The following VOPP1 variants were observed in gnomAD, a reference collection of about 807,000 sequenced individuals.
The protein encoded by VOPP1 is VOPP1 WW domain binding protein, also known as WW domain binding protein VOPP1.
A neutral mutation model predicts 23.5 loss-of-function variants in VOPP1; 8 were observed. The ratio of observed to expected loss-of-function variants is 0.34; its 90% CI spans 0.20 to 0.61. VOPP1 has a LOEUF of 0.61. Among genes scored for constraint, VOPP1 ranks in the 20% least tolerant of loss-of-function variants. The pLI is 0.78. For synonymous variants in VOPP1, 83 were observed against 97.3 expected, an observed-to-expected ratio of 0.85 and a Z score of 0.86; for missense variants, 174 against 238.1, an observed-to-expected ratio of 0.73 and a Z score of 1.77.
chr7:55,458,924 G>C (rs1791433227), intron 4 of VOPP1, among the ~76,000 whole-genome samples: 1 of 152,146 alleles, frequency 6.6e-6, no homozygotes, highest in East Asian at 1.9e-4. Flanking sequence ...TTGAATAAGA[G>C]TGGTGAATGT....
At chr7:55,451,281 G>C (rs1215711867) in intron 4 of VOPP1, among the ~76,000 whole-genome samples, 1 of 152,154 alleles carries the variant, frequency 6.6e-6, no homozygotes. Flanking sequence ...TTATGGGGTA[G>C]GGGGCAAAAG....
At chr7:55,557,781 C>T (rs907884620) in intron 1 of VOPP1, among the ~76,000 whole-genome samples, 2 of 152,196 alleles carry the variant, frequency 1.3e-5, no homozygotes, top group African/African-American at 4.8e-5. Flanking sequence ...AGGGCAGGAC[C>T]GTCCGCAGAG....
chr7:55,537,704 G>A, intron 1 of VOPP1: 2 of 1,436,332 alleles, frequency 1.4e-6, no homozygotes, highest in Admixed American at 2.6e-5. Flanking sequence ...TACCATGGAG[G>A]ACGCTACAAG....
chr7:55,533,463 C>G (rs1260538842), intron 1 of VOPP1, among the ~76,000 whole-genome samples: 1 of 152,166 alleles, frequency 6.6e-6, no homozygotes, highest in Non-Finnish European at 1.5e-5. Flanking sequence ...CAAAAAAACA[C>G]CTGCCTGCTC....
chr7:55,539,964 A>G (rs554120719), intron 1 of VOPP1, among the ~76,000 whole-genome samples: 2 of 151,478 alleles, frequency 1.3e-5, no homozygotes, highest in Admixed American at 1.3e-4. Flanking sequence ...AGGAAACAGC[A>G]GGAACACTCA....
chr7:55,505,567 G>A (rs1393740053), intron 2 of VOPP1, among the ~76,000 whole-genome samples: 19 of 150,784 alleles, frequency 1.3e-4, no homozygotes, highest in Non-Finnish European at 5.9e-5. Flanking sequence ...TAAAAAAATG[G>A]GCACGTGCAT....
chr7:55,532,836 T>C (rs979382641), intron 1 of VOPP1, among the ~76,000 whole-genome samples: 4 of 152,226 alleles, frequency 2.6e-5, no homozygotes, highest in African/African-American at 9.6e-5. Flanking sequence ...CCCTCAATTC[T>C]AGTAATATGC....
At chr7:55,489,165 C>A (rs1402628917) in intron 4 of VOPP1, among the ~76,000 whole-genome samples, 1 of 152,204 alleles carries the variant, frequency 6.6e-6, no homozygotes, top group Non-Finnish European at 1.5e-5. Context: ...GCACTGTTAA[C>A]AAATGATCCA....
chr7:55,484,273 C>T (rs1384112452), intron 4 of VOPP1, among the ~76,000 whole-genome samples: 1 of 152,216 alleles, frequency 6.6e-6, no homozygotes. Context: ...AGAGGAGCTA[C>T]TGTAGAGACA....
At chr7:55,567,599 C>T (rs1798204857) in intron 1 of VOPP1, among the ~76,000 whole-genome samples, 1 of 152,146 alleles carries the variant, frequency 6.6e-6, no homozygotes, top group Non-Finnish European at 1.5e-5. Context: ...TAAAAGAAAG[C>T]AAAAACCAAG....
chr7:55,545,154 G>A (rs1797311321), intron 1 of VOPP1, among the ~76,000 whole-genome samples: 1 of 152,144 alleles, frequency 6.6e-6, no homozygotes, highest in African/African-American at 2.4e-5. Context: ...GTTAAGCTGT[G>A]ACATTATTAA....
chr7:55,450,071 GA>G (rs905632460), intron 4 of VOPP1, among the ~76,000 whole-genome samples: 5 of 152,184 alleles, frequency 3.3e-5, no homozygotes, highest in Admixed American at 1.3e-4. Context: ...TGGTAATAAA[GA>G]AAAAGACGAG....
chr7:55,479,956 C>T (rs815963), intron 4 of VOPP1, among the ~76,000 whole-genome samples: 136,349 of 152,246 alleles, frequency 0.9, 61,230 homozygotes, highest in African/African-American at 0.93. Flanking sequence ...TCATTGCTTT[C>T]TGATATAACT....
intron 1 of VOPP1, among the ~76,000 whole-genome samples, chr7:55,558,415 T>C (rs913838100): frequency 3.9e-5 from 6 of 152,224 alleles, no homozygotes; most frequent in African/African-American, 9.7e-5. Context: ...TTCATATTTT[T>C]AATATGTTCC....
intron 2 of VOPP1, among the ~76,000 whole-genome samples, chr7:55,519,065 G>A (rs551490744): frequency 2.6e-5 from 4 of 152,266 alleles, no homozygotes; most frequent in South Asian, 2.1e-4. Flanking sequence ...CTTAATTTAC[G>A]TACAGGGCAC....
intron 4 of VOPP1, among the ~76,000 whole-genome samples, chr7:55,464,269 C>A (rs1791579240): frequency 5.3e-5 from 8 of 152,112 alleles, no homozygotes; most frequent in Admixed American, 5.2e-4. Flanking sequence ...AGGTGGTGGG[C>A]AGGTGGCCTA....
intron 2 of VOPP1, among the ~76,000 whole-genome samples, chr7:55,517,182 CAGG>C (rs1170261480): frequency 6.6e-6 from 1 of 151,156 alleles, no homozygotes; most frequent in Admixed American, 6.6e-5. Context: ...CTCCTGAGCT[CAGG>C]AGATCAGCCC....
chr7:55,499,192 C>A (rs910457071), intron 2 of VOPP1, among the ~76,000 whole-genome samples: 1 of 152,066 alleles, frequency 6.6e-6, no homozygotes, highest in Non-Finnish European at 1.5e-5. Context: ...GTGGCTCACA[C>A]CTGTAATCTC....
At chr7:55,445,671 T>TAGAC (rs1323355546) in intron 4 of VOPP1, among the ~76,000 whole-genome samples, 1 of 152,208 alleles carries the variant, frequency 6.6e-6, no homozygotes, top group Non-Finnish European at 1.5e-5. Flanking sequence ...TGGGTTTGTC[T>TAGAC]GCTTCTTTCC....
Sources: allele counts gnomAD v4.1 joint callset (sites outside exome capture counted in the v4.1 genomes callset), GRCh38; gene constraint gnomAD v4.1.1; transcripts MANE v1.5; gene names NCBI Gene and HGNC (gene_info 2026-07-23, HGNC 2026-07-21).